The following ZFPM2 variants were observed in gnomAD, a reference collection of about 807,000 sequenced individuals.
The protein encoded by ZFPM2 is zinc finger protein ZFPM2.
A neutral mutation model predicts 98.6 loss-of-function variants in ZFPM2; 20 were observed. The ratio of observed to expected loss-of-function variants is 0.20; its 90% CI spans 0.14 to 0.29. The LOEUF is 0.29. Ranked by LOEUF, ZFPM2 falls within the 10% of genes least tolerant of loss-of-function variation. The pLI, the probability that ZFPM2 is intolerant of heterozygous loss-of-function variation, is 1.00. For synonymous variants in ZFPM2, 518 were observed against 502.7 expected (o/e 1.03, Z -0.41); for missense variants, 1,310 against 1,388.6 (o/e 0.94, Z 0.90).
In ZFPM2 at chr8:105,723,506, A is replaced by G. The variant is rs375656261; in HGVS notation, c.533-65212A>G. ...TGAACTAATGAAGATCCGGGTGGCCAGGGACATTGTTCAATATCAAAATAA... is the reference window on the plus strand; with the variant it reads ...TGAACTAATGAAGATCCGGGTGGCCGGGGACATTGTTCAATATCAAAATAA... On this transcript the variant is annotated intron_variant, in intron 5 of 7. Transcript: ENST00000407775. 1.0e-3 allele frequency among the ~76,000 whole-genome samples: 156 copies of G among 152,008 alleles called. 1 individual carries two copies. The South Asian group carries it at 0.032, about 31-fold the overall frequency.
intron 3 of ZFPM2, among the ~76,000 whole-genome samples, chr8:105,510,819 C>G (rs530567349): frequency 5.3e-4 from 81 of 152,292 alleles, no homozygotes; most frequent in Non-Finnish European, 1.0e-3. Context: ...GGGTCTGCCC[C>G]CTGAAACCTC....
At chr8:105,475,551 A>G (rs1272244636) in intron 3 of ZFPM2, among the ~76,000 whole-genome samples, 1 of 152,188 alleles carries the variant, frequency 6.6e-6, no homozygotes, top group Non-Finnish European at 1.5e-5. Flanking sequence ...AGCCAAAGAA[A>G]ATTTGCAAAT....
At chr8:105,745,848 C>G (rs928636873) in intron 5 of ZFPM2, among the ~76,000 whole-genome samples, 3 of 152,096 alleles carry the variant, frequency 2.0e-5, no homozygotes, top group African/African-American at 7.2e-5. Context: ...TAACCTCTGC[C>G]TCTGGGGTTC....
At chr8:105,362,935 T>G (rs541439001) in intron 1 of ZFPM2, among the ~76,000 whole-genome samples, 35 of 152,260 alleles carry the variant, frequency 2.3e-4, no homozygotes, top group African/African-American at 7.7e-4. Context: ...CAATATTTCC[T>G]AAGGTAGCCG....
intron 1 of ZFPM2, among the ~76,000 whole-genome samples, chr8:105,393,187 T>C (rs540972346): frequency 6.6e-6 from 1 of 152,296 alleles, no homozygotes; most frequent in East Asian, 1.9e-4. Flanking sequence ...AAAGAAATAT[T>C]TTTATTGCTC....
chr8:105,353,684 T>C (rs1812690147), intron 1 of ZFPM2, among the ~76,000 whole-genome samples: 1 of 152,172 alleles, frequency 6.6e-6, no homozygotes, highest in Non-Finnish European at 1.5e-5. Context: ...AGCAGAAATA[T>C]ATTTTAGTGG....
chr8:105,522,919 A>G (rs1341055228), intron 3 of ZFPM2, among the ~76,000 whole-genome samples: 6 of 152,178 alleles, frequency 3.9e-5, no homozygotes, highest in African/African-American at 1.4e-4. Context: ...CCCTGAAGGT[A>G]TACTGCCTTT....
chr8:105,694,233 C>G (rs143928289), intron 5 of ZFPM2, among the ~76,000 whole-genome samples: 9,256 of 151,728 alleles, frequency 0.061, 917 homozygotes, highest in African/African-American at 0.21. Flanking sequence ...TGATCTGCCC[C>G]CCGCGGCCTC....
intron 1 of ZFPM2, among the ~76,000 whole-genome samples, chr8:105,390,896 A>G (rs1811093979): frequency 6.6e-6 from 1 of 152,190 alleles, no homozygotes; most frequent in Non-Finnish European, 1.5e-5. Context: ...AATATAGGTA[A>G]TGAGCTAATT....
At chr8:105,489,402 T>G (rs1327815042) in intron 3 of ZFPM2, among the ~76,000 whole-genome samples, 3 of 147,148 alleles carry the variant, frequency 2.0e-5, no homozygotes. Context: ...ATATTTTATA[T>G]ATATTTATAG....
intron 1 of ZFPM2, among the ~76,000 whole-genome samples, chr8:105,321,911 C>G (rs1265249598): frequency 6.6e-6 from 1 of 152,174 alleles, no homozygotes; most frequent in African/African-American, 2.4e-5. Flanking sequence ...AAAATAGTCA[C>G]TCAGTGCTCC....
intron 5 of ZFPM2, among the ~76,000 whole-genome samples, chr8:105,717,870 G>A (rs988398679): frequency 2.0e-5 from 3 of 151,396 alleles, no homozygotes; most frequent in African/African-American, 7.3e-5. Flanking sequence ...TGTAGTTAAG[G>A]GAGCAGGCTC....
At chr8:105,626,810 CA>C (rs1482720029) in intron 4 of ZFPM2, among the ~76,000 whole-genome samples, 1 of 152,106 alleles carries the variant, frequency 6.6e-6, no homozygotes, top group Non-Finnish European at 1.5e-5. Flanking sequence ...AGCCACACAC[CA>C]AAAGCATTTT....
intron 4 of ZFPM2, among the ~76,000 whole-genome samples, chr8:105,628,243 A>G (rs1226096603): frequency 6.6e-6 from 1 of 152,208 alleles, no homozygotes; most frequent in Non-Finnish European, 1.5e-5. Flanking sequence ...TGTGACTCCA[A>G]AAACAATAAT....
At chr8:105,409,370 T>G (rs1811530530) in intron 1 of ZFPM2, among the ~76,000 whole-genome samples, 1 of 151,910 alleles carries the variant, frequency 6.6e-6, no homozygotes, top group East Asian at 1.9e-4. Flanking sequence ...AAGTAACATT[T>G]GAGATCAGCC....
At chr8:105,674,138 AAAT>A (rs1817646660) in intron 5 of ZFPM2, among the ~76,000 whole-genome samples, 1 of 152,210 alleles carries the variant, frequency 6.6e-6, no homozygotes, top group South Asian at 2.1e-4. Context: ...CTCTAATCGT[AAAT>A]AATACAGCAG....
intron 3 of ZFPM2, among the ~76,000 whole-genome samples, chr8:105,507,708 G>A (rs1813731466): frequency 6.6e-6 from 1 of 152,152 alleles, no homozygotes; most frequent in Non-Finnish European, 1.5e-5. Context: ...TCACTACAGT[G>A]TGCAAAAACG....
chr8:105,423,397 T>G (rs1451159086), intron 2 of ZFPM2, among the ~76,000 whole-genome samples: 1 of 152,218 alleles, frequency 6.6e-6, no homozygotes, highest in Admixed American at 6.5e-5. Context: ...AAAGATGCTA[T>G]TTGAAATTTA....
At chr8:105,360,038 C>A (rs1442554863) in intron 1 of ZFPM2, among the ~76,000 whole-genome samples, 1 of 152,160 alleles carries the variant, frequency 6.6e-6, no homozygotes, top group Non-Finnish European at 1.5e-5. Context: ...TATTCTGGCC[C>A]TATTTTGGCA....
Sources: allele counts gnomAD v4.1 joint callset (sites outside exome capture counted in the v4.1 genomes callset), GRCh38; gene constraint gnomAD v4.1.1; transcripts MANE v1.5; gene names NCBI Gene and HGNC (gene_info 2026-07-23, HGNC 2026-07-21).